The following AHR variants were observed in gnomAD, a reference collection of about 807,000 sequenced individuals.
AHR encodes aryl hydrocarbon receptor, also known as AH-receptor.
AHR carries 40 observed loss-of-function variants against 86.8 expected under a neutral mutation model. The ratio of observed to expected loss-of-function variants is 0.46; its 90% CI spans 0.36 to 0.60. The LOEUF is 0.60. Among genes scored for constraint, AHR ranks in the 20% least tolerant of loss-of-function variants. The pLI is 0.00. For synonymous variants in AHR, 398 were observed against 354.9 expected (o/e 1.12, Z -1.37); for missense variants, 1,001 against 1,011.6 (o/e 0.99, Z 0.14).
chr7:17,327,599 A>G (rs187795429), intron 3 of AHR, among the ~76,000 whole-genome samples, 160 bp from the exon 4 acceptor site: 4 of 152,064 alleles, frequency 2.6e-5, no homozygotes, highest in African/African-American at 4.8e-5. Context: ...GTATGAATAG[A>G]TATTTCTTAG....
Position 17,340,156 on chromosome 7 carries a change from A to C in AHR, c.2331A>C (p.Glu777Asp). ...GAVSMYQCQP[E>D]PQHTHVGQMQ... ...TGTCGATGTATCAGTGCCAGCCAGA[A>C]CCTCAGCACACCCACGTGGGTCAGA... The change falls in exon 10 of 11, where the codon GAA becomes GAC. Residue 777 changes from glutamate to aspartate, a missense_variant. Physicochemically the swap from Glu to Asp is conservative, Grantham distance 45 (BLOSUM62 2). Transcript: ENST00000242057. 1.2e-6 allele frequency: 2 copies of C among 1,614,156 alleles called. No homozygotes were observed. Among genetic ancestry groups the C allele is most frequent in the Non-Finnish European group, 1.7e-6 (2 of 1,180,020 alleles).
intron 1 of AHR, among the ~76,000 whole-genome samples, chr7:17,302,521 A>G (rs1433018429): frequency 6.6e-6 from 1 of 151,938 alleles, no homozygotes; most frequent in Non-Finnish European, 1.5e-5. Flanking sequence ...CATTTACACA[A>G]TTATTTCTCC....
intron 3 of AHR, among the ~76,000 whole-genome samples, chr7:17,326,710 A>G (rs10270897): frequency 0.057 from 8,669 of 152,222 alleles, 826 homozygotes; most frequent in African/African-American, 0.2. Flanking sequence ...TAAATAGCTT[A>G]ACCAAAGCCA....
At chr7:17,311,616 T>A (rs1173606168) in intron 2 of AHR, among the ~76,000 whole-genome samples, 1 of 152,232 alleles carries the variant, frequency 6.6e-6, no homozygotes, top group African/African-American at 2.4e-5. Context: ...CTGGGCAATA[T>A]ACAGATTTGA....
rs879201821 is a variant in AHR at position 17,345,317 on chromosome 7, A to G, written c.*2253A>G. 2.0e-5 allele frequency: 3 copies of G among 152,534 alleles called. No individual in the cohort carries two copies. Among genetic ancestry groups the G allele is most frequent in the South Asian group, 2.1e-4 (1 of 4,832 alleles). 9.4% of individuals were successfully genotyped at this position (152,534 alleles called of 1,614,324 possible). On this transcript the variant is annotated 3_prime_UTR_variant, in exon 11 of 11. Coordinates refer to ENST00000242057, the MANE Select transcript of AHR (RefSeq NM_001621.5). Reference sequence around the variant, plus strand: ...ATAGACCGAGACTCCGTCTCCAAAAAAAAAAAAAATACAATTTTTATTTCT... The same window carrying G: ...ATAGACCGAGACTCCGTCTCCAAAAGAAAAAAAAATACAATTTTTATTTCT...
At chr7:17,302,544 T>C (rs1781965186) in intron 1 of AHR, among the ~76,000 whole-genome samples, 1 of 151,984 alleles carries the variant, frequency 6.6e-6, no homozygotes, top group Non-Finnish European at 1.5e-5. Context: ...CATTTTTCTT[T>C]CCAATAGCTT....
intron 3 of AHR, among the ~76,000 whole-genome samples, chr7:17,326,285 TC>T (rs948545235): frequency 1.3e-5 from 2 of 152,140 alleles, no homozygotes; most frequent in African/African-American, 2.4e-5. Flanking sequence ...ATAATATAGA[TC>T]AAGAATCTTG....
At chr7:17,327,699 C>A in intron 3 of AHR, 60 bp from the exon 4 acceptor site, 1 of 920,074 alleles carries the variant, frequency 1.1e-6, no homozygotes, top group Non-Finnish European at 1.6e-6. Flanking sequence ...AAGTAATAAC[C>A]TTTATCTGAT....
rs750155227 is a variant in AHR, at chr7:17,330,082, A to G, written c.574+7A>G. On this transcript the variant is annotated splice_region_variant and intron_variant, in intron 5 of 10. Coordinates refer to ENST00000242057, the MANE Select transcript of AHR (RefSeq NM_001621.5). Reference sequence around the variant, plus strand: ...TCTGGACAAGGAATTGAAGGTAAGAATTGATGGTACAAAAAATAGTGTTGG... The same window carrying G: ...TCTGGACAAGGAATTGAAGGTAAGAGTTGATGGTACAAAAAATAGTGTTGG... 3.2e-5 allele frequency: 51 copies of G among 1,606,774 alleles called. No individual in the cohort carries two copies. Among genetic ancestry groups the G allele is most frequent in the Non-Finnish European group, 4.2e-5 (49 of 1,176,358 alleles).
At position 17,339,966 on chromosome 7, in the gene AHR, G is replaced by A. The variant is rs1481201448; in HGVS notation, c.2141G>A (p.Cys714Tyr). The part of the protein sequence containing the change: ...NQPVLPQHSK[C>Y]TELDYPMGSF... ...CCTGTATTACCACAACATTCCAAAT[G>A]TACAGAGCTGGACTACCCTATGGGG... Residue 714 changes from cysteine (C) to tyrosine (Y), a missense_variant, in exon 10 of 11, where the codon TGT becomes TAT. Physicochemically the swap from Cys to Tyr is radical, Grantham distance 194 (BLOSUM62 -2). Coordinates refer to ENST00000242057, the MANE Select transcript of AHR (RefSeq NM_001621.5). 2.5e-6 allele frequency: 4 copies of A among 1,614,160 alleles called. No individual in the cohort carries two copies. Among genetic ancestry groups the A allele is most frequent in the Non-Finnish European group, 3.4e-6 (4 of 1,180,014 alleles).
intron 2 of AHR, among the ~76,000 whole-genome samples, chr7:17,313,262 G>A (rs192285656): frequency 1.1e-4 from 17 of 152,156 alleles, no homozygotes; most frequent in Admixed American, 9.2e-4. Flanking sequence ...AGATGCAAAC[G>A]AAGAGATTTG....
At chr7:17,308,082 A>C (rs1399721401) in intron 1 of AHR, among the ~76,000 whole-genome samples, 2 of 152,068 alleles carry the variant, frequency 1.3e-5, no homozygotes, top group Admixed American at 6.5e-5. Flanking sequence ...TTATTTCTCC[A>C]TCCTCCACCT....
Position 17,339,265 on chromosome 7 carries a change from T to A in AHR, c.1440T>A (p.Pro480=), listed in dbSNP as rs201246266. 234 of 1,614,210 alleles carry A rather than the reference T, an allele frequency of 1.4e-4. 2 individuals carry two copies. The Admixed American group carries it at 3.8e-3, about 26-fold the overall frequency. ...CTTCAAGTACTTCAAGTACTGCACC[T>A]TTTGAAAACAACTTTTTCAACGAAT... ...YPASSTSSTA[P]FENNFFNESM... is the part of the protein sequence containing the mutation. The change falls in exon 10 of 11, where the codon CCT becomes CCA. Residue 480 remains proline, a synonymous_variant. Transcript: ENST00000242057.
At chr7:17,303,064 T>C (rs972099630) in intron 1 of AHR, among the ~76,000 whole-genome samples, 1 of 152,006 alleles carries the variant, frequency 6.6e-6, no homozygotes, top group African/African-American at 2.4e-5. Flanking sequence ...ACCATACAAA[T>C]CTTTTACAAC....
intron 1 of AHR, among the ~76,000 whole-genome samples, chr7:17,309,451 T>C (rs539733241): frequency 6.6e-5 from 10 of 152,298 alleles, no homozygotes; most frequent in South Asian, 2.1e-4. Flanking sequence ...AGTAAATAAA[T>C]ACAGAAAGCT....
In AHR at chr7:17,345,843, TC is replaced by T. The variant is rs200200188; in HGVS notation, c.*2780del. 0.01 allele frequency: 1,555 copies of T among 152,724 alleles called. 27 individuals carry two copies. Among genetic ancestry groups the T allele is most frequent in the Middle Eastern group, 0.068 (20 of 294 alleles). 9.5% of individuals were successfully genotyped at this position (152,724 alleles called of 1,614,324 possible). A position where few individuals can be genotyped will look rare whatever the true frequency, so the allele number is the denominator to read the frequency against. ...GCACTGCTACATTGTGGGATTTATT[TC>T]TAGATGATGTGCACATCTAAGGATA... On this transcript the variant is annotated 3_prime_UTR_variant, in exon 11 of 11. Coordinates refer to ENST00000242057, the MANE Select transcript of AHR (RefSeq NM_001621.5).
At position 17,345,107 on chromosome 7, in the gene AHR, G is replaced by C. The variant is rs1418803197; in HGVS notation, c.*2043G>C. 1 of 151,932 alleles carries C rather than the reference G, an allele frequency of 6.6e-6. No homozygotes were observed. The highest frequency in any genetic ancestry group is 1.5e-5 in the Non-Finnish European group (1 of 68,000). 9.4% of individuals were successfully genotyped at this position (151,932 alleles called of 1,614,324 possible). ...CGAGGAGGGTGGATCACGAGGTCAA[G>C]AGATGGAGACCATCCTGACCAACAT... On this transcript the variant is annotated 3_prime_UTR_variant, in exon 11 of 11. Transcript: ENST00000242057.
chr7:17,314,815 T>C lies in AHR; in HGVS notation c.253+4692T>C, dbSNP rs1782099555. Among the ~76,000 whole-genome samples the C allele has an allele frequency of 5.9e-5, 9 of 152,212 alleles. 1 individual carries two copies. In the South Asian group the frequency reaches 1.9e-3, roughly 32 times the overall value. On this transcript the variant is annotated intron_variant, in intron 2 of 10. Coordinates refer to ENST00000242057, the MANE Select transcript of AHR (RefSeq NM_001621.5). ...CATCTGCTTTGTTGTAATTTTAAAA[T>C]TTCTGTGTGTCAAGTAATTTACCAA...
intron 4 of AHR, among the ~76,000 whole-genome samples, chr7:17,328,639 C>A (rs547439089): frequency 1.2e-4 from 18 of 151,978 alleles, no homozygotes; most frequent in African/African-American, 4.3e-4. Flanking sequence ...CAGTGGGGCC[C>A]ATGAATTTGC....
Sources: gnomAD v4.1 joint callset for allele counts (sites outside exome capture counted in the v4.1 genomes callset) on GRCh38, gnomAD v4.1.1 for gene constraint, MANE v1.5 for transcripts, NCBI Gene and HGNC (gene_info 2026-07-23, HGNC 2026-07-21) for gene names.